The following GTF2IRD1 variants were observed in gnomAD, a reference collection of about 807,000 sequenced individuals.
GTF2IRD1 encodes the protein GTF2I repeat domain containing 1.
Under a neutral mutation model 113.2 loss-of-function variants are expected in GTF2IRD1, and 26 were observed. The ratio of observed to expected loss-of-function variants is 0.23; its 90% CI spans 0.17 to 0.32. The LOEUF (loss-of-function observed/expected upper bound fraction) is 0.32, where lower values mean the gene tolerates loss of function less well. GTF2IRD1 is among the 10% of genes least tolerant of loss of function. The pLI, the probability that GTF2IRD1 is intolerant of heterozygous loss-of-function variation, is 1.00. For synonymous variants in GTF2IRD1, 484 were observed against 529.1 expected, an observed-to-expected ratio of 0.91 and a Z score of 1.17; for missense variants, 864 against 1,280.8, an observed-to-expected ratio of 0.67 and a Z score of 4.97.
intron 25 of GTF2IRD1, among the ~76,000 whole-genome samples, chr7:74,599,460 T>A (rs2131079280): frequency 6.6e-6 from 1 of 152,262 alleles, no homozygotes; most frequent in Admixed American, 6.6e-5. Context: ...TGCGGTGTTT[T>A]TTGAGTCTCA....
intron 1 of GTF2IRD1, among the ~76,000 whole-genome samples, chr7:74,491,675 T>A (rs1445084996): frequency 6.6e-6 from 1 of 152,226 alleles, no homozygotes; most frequent in Non-Finnish European, 1.5e-5. Context: ...TTTTTGTGGC[T>A]GCATAGTATT....
At chr7:74,540,072 G>A (rs782372150) in intron 14 of GTF2IRD1, 104 bp downstream of exon 14, 28 of 786,216 alleles carry the variant, frequency 3.6e-5, no homozygotes, top group South Asian at 8.8e-5. Flanking sequence ...GGTGTCAGCC[G>A]TCTGTAGTAG....
chr7:74,484,186 G>A (rs904114891), intron 1 of GTF2IRD1, among the ~76,000 whole-genome samples: 1 of 152,198 alleles, frequency 6.6e-6, no homozygotes, highest in Non-Finnish European at 1.5e-5. Context: ...TCAGCGTAAT[G>A]GCAATGAACC....
intron 22 of GTF2IRD1, among the ~76,000 whole-genome samples, chr7:74,564,628 C>T (rs1193538203): frequency 3.3e-5 from 5 of 152,196 alleles, no homozygotes; most frequent in East Asian, 1.9e-4. Context: ...TGGGGACGAA[C>T]GACTGTATTC....
chr7:74,590,088 AT>A (rs1305714839), intron 23 of GTF2IRD1, among the ~76,000 whole-genome samples, 160 bp downstream of exon 23: 61 of 145,930 alleles, frequency 4.2e-4, no homozygotes, highest in Middle Eastern at 3.5e-3. Context: ...GTGTATGTTG[AT>A]TTTTTTTTTT....
intron 1 of GTF2IRD1, among the ~76,000 whole-genome samples, chr7:74,505,156 A>G (rs573386058): frequency 6.6e-5 from 10 of 152,158 alleles, no homozygotes; most frequent in Middle Eastern, 6.8e-3. Context: ...AAGTGCTGGG[A>G]CTATAAGCAT....
intron 22 of GTF2IRD1, among the ~76,000 whole-genome samples, chr7:74,562,103 T>A (rs1554359235): frequency 6.6e-6 from 1 of 152,160 alleles, no homozygotes; most frequent in African/African-American, 2.4e-5. Context: ...TCACCAGAGG[T>A]CACTGAGTGC....
intron 24 of GTF2IRD1, among the ~76,000 whole-genome samples, chr7:74,594,663 C>A (rs1366989330): frequency 1.3e-5 from 2 of 152,076 alleles, no homozygotes; most frequent in African/African-American, 4.8e-5. Flanking sequence ...CAGCCAGACA[C>A]CTGGATTCTC....
intron 22 of GTF2IRD1, among the ~76,000 whole-genome samples, chr7:74,573,550 CAA>C: frequency 6.6e-6 from 1 of 152,086 alleles, no homozygotes. Context: ...CCCAAGCTGA[CAA>C]GAGCAACCAG....
At chr7:74,568,888 G>C (rs1347921280) in intron 22 of GTF2IRD1, among the ~76,000 whole-genome samples, 3 of 152,108 alleles carry the variant, frequency 2.0e-5, no homozygotes, top group Admixed American at 6.6e-5. Flanking sequence ...CAGAGGTGCC[G>C]CCATGGATCA....
chr7:74,587,805 G>T (rs1222004978), intron 22 of GTF2IRD1, among the ~76,000 whole-genome samples: 2 of 152,100 alleles, frequency 1.3e-5, no homozygotes, highest in Non-Finnish European at 2.9e-5. Context: ...GACTCCAGCA[G>T]CTCCTCTAGG....
intron 1 of GTF2IRD1, among the ~76,000 whole-genome samples, chr7:74,476,200 C>T (rs371481911): frequency 2.0e-4 from 30 of 152,114 alleles, no homozygotes; most frequent in African/African-American, 6.7e-4. Context: ...TAGGTGTGGG[C>T]TGGTGGTGCC....
At chr7:74,532,957 G>T (rs1554349262) in intron 9 of GTF2IRD1, among the ~76,000 whole-genome samples, 1 of 151,920 alleles carries the variant, frequency 6.6e-6, no homozygotes, top group African/African-American at 2.4e-5. Context: ...ATAATCAGCT[G>T]CCTGAGGGCC....
At chr7:74,570,471 T>C (rs1172149752) in intron 22 of GTF2IRD1, among the ~76,000 whole-genome samples, 1 of 151,364 alleles carries the variant, frequency 6.6e-6, no homozygotes, top group Non-Finnish European at 1.5e-5. Flanking sequence ...CTGGGCAACA[T>C]AGTGAGACCC....
chr7:74,454,291 A>C (rs1792803164), intron 1 of GTF2IRD1, 115 bp downstream of exon 1: 1 of 138,382 alleles, frequency 7.2e-6, no homozygotes, highest in African/African-American at 2.7e-5. Context: ...TCCCCCTCTC[A>C]AGGTGTTACA....
intron 22 of GTF2IRD1, among the ~76,000 whole-genome samples, chr7:74,578,927 C>T (rs1260189239): frequency 2.0e-5 from 3 of 150,090 alleles, no homozygotes; most frequent in Non-Finnish European, 4.4e-5. Context: ...GCAGAGGTTG[C>T]AGTGAGCTGA....
chr7:74,477,759 G>A (rs1179603263), intron 1 of GTF2IRD1, among the ~76,000 whole-genome samples: 4 of 152,092 alleles, frequency 2.6e-5, no homozygotes, highest in East Asian at 1.9e-4. Flanking sequence ...GGAGTGAGCC[G>A]GCTCAGGCGG....
chr7:74,541,269 C>T (rs1372615466), intron 14 of GTF2IRD1, among the ~76,000 whole-genome samples: 1 of 151,462 alleles, frequency 6.6e-6, no homozygotes, highest in African/African-American at 2.4e-5. Flanking sequence ...GGCGAGGGTA[C>T]TGCTTGAGGC....
intron 1 of GTF2IRD1, chr7:74,507,691 A>G (rs781912454): frequency 8.4e-5 from 16 of 190,282 alleles, no homozygotes; most frequent in Non-Finnish European, 1.4e-4. Flanking sequence ...CTAGAATACC[A>G]GGCTGAGGAG....
Sources: allele counts gnomAD v4.1 joint callset (sites outside exome capture counted in the v4.1 genomes callset), GRCh38; gene constraint gnomAD v4.1.1; transcripts MANE v1.5; gene names NCBI Gene and HGNC (gene_info 2026-07-23, HGNC 2026-07-21).